The following UBE2F variants were observed in gnomAD, a reference collection of about 807,000 sequenced individuals.
UBE2F encodes NEDD8-conjugating enzyme UBE2F.
In UBE2F, 5 loss-of-function variants were observed where a neutral mutation model predicts 29.6. The observed-to-expected ratio is 0.17, with a 90% CI of 0.09 to 0.36. UBE2F has a LOEUF of 0.36. UBE2F is among the 10% of genes least tolerant of loss of function. The probability of loss-of-function intolerance (pLI) is 1.00; values close to 1 mark genes in which losing one functional copy is unlikely to be tolerated. For synonymous variants in UBE2F, 66 were observed against 81.8 expected, an observed-to-expected ratio of 0.81 and a Z score of 1.04; for missense variants, 141 against 228.5, an observed-to-expected ratio of 0.62 and a Z score of 2.47.
rs1190663415 is a variant in UBE2F at position 237,983,011 on chromosome 2, T to A, written c.119-4952T>A. ...AGTAAATATATGTATATATTTTATGTTTTTGTAGTGACAGAGTCTCACTAT... is the reference window on the plus strand; with the variant it reads ...AGTAAATATATGTATATATTTTATGATTTTGTAGTGACAGAGTCTCACTAT... On this transcript the variant is annotated intron_variant, in intron 2 of 9. Coordinates refer to ENST00000272930, the MANE Select transcript of UBE2F (RefSeq NM_080678.3). 2.6e-5 allele frequency among the ~76,000 whole-genome samples: 4 copies of A among 152,312 alleles called. No homozygotes were observed. In the South Asian group the frequency reaches 8.3e-4, roughly 32 times the overall value.
intron 4 of UBE2F, among the ~76,000 whole-genome samples, chr2:237,998,082 C>T (rs915850001): frequency 6.6e-6 from 1 of 152,012 alleles, no homozygotes; most frequent in Non-Finnish European, 1.5e-5. Context: ...TGGTTTTAGG[C>T]TGAAGGGAAC....
At chr2:237,986,137 CTTTTCT>C (rs1438617331) in intron 2 of UBE2F, 10 of 307,576 alleles carry the variant, frequency 3.3e-5, no homozygotes, top group African/African-American at 9.1e-5. Context: ...ACTACCTTTT[CTTTTCT>C]TTTTTTTTTT....
chr2:237,973,781 G>A, intron 2 of UBE2F: 1 of 1,071,392 alleles, frequency 9.3e-7, no homozygotes, highest in Non-Finnish European at 1.2e-6. Context: ...AGAAGGGTTG[G>A]TAAAATGTAT....
At chr2:238,033,263 A>G (rs987998542) in intron 8 of UBE2F, among the ~76,000 whole-genome samples, 1 of 152,232 alleles carries the variant, frequency 6.6e-6, no homozygotes, top group Non-Finnish European at 1.5e-5. Flanking sequence ...CTAGGGCAGG[A>G]AGAGGCTAAA....
chr2:237,969,886 T>A (rs2063138672), intron 1 of UBE2F, among the ~76,000 whole-genome samples: 1 of 152,232 alleles, frequency 6.6e-6, no homozygotes, highest in Non-Finnish European at 1.5e-5. Context: ...TGGGCGAAGC[T>A]GTGAAGATGT....
chr2:237,985,080 T>G (rs1422383848), intron 2 of UBE2F, among the ~76,000 whole-genome samples: 1 of 151,944 alleles, frequency 6.6e-6, no homozygotes, highest in Admixed American at 6.6e-5. Context: ...GCAATCCTCC[T>G]GCCTCGGCCT....
intron 3 of UBE2F, among the ~76,000 whole-genome samples, chr2:237,990,709 C>T (rs977073241): frequency 1.4e-4 from 21 of 151,054 alleles, no homozygotes; most frequent in African/African-American, 7.3e-5. Flanking sequence ...TGCAGTGAGC[C>T]GAGATAGCAC....
intron 2 of UBE2F, among the ~76,000 whole-genome samples, chr2:237,977,026 C>G (rs1206663806): frequency 6.6e-6 from 1 of 152,116 alleles, no homozygotes; most frequent in Non-Finnish European, 1.5e-5. Context: ...TTCAAGGAGG[C>G]TCTGCGTCTC....
At chr2:237,979,425 G>A (rs374029540) in intron 2 of UBE2F, among the ~76,000 whole-genome samples, 3 of 152,194 alleles carry the variant, frequency 2.0e-5, no homozygotes, top group African/African-American at 7.2e-5. Flanking sequence ...TTCAGTGTTG[G>A]GGGAGAAAGA....
chr2:238,006,759 C>CTTTT (rs60514924), intron 4 of UBE2F, among the ~76,000 whole-genome samples: 6 of 125,590 alleles, frequency 4.8e-5, no homozygotes, highest in African/African-American at 1.8e-4. Flanking sequence ...TTTCTTTTTT[C>CTTTT]TTTTTTTTTT....
intron 2 of UBE2F, among the ~76,000 whole-genome samples, chr2:237,985,923 A>G (rs776832541): frequency 4.7e-4 from 71 of 151,862 alleles, no homozygotes; most frequent in Non-Finnish European, 7.5e-4. Context: ...TTTGATTTGT[A>G]TTTCCCTGAT....
At position 238,040,254 on chromosome 2, in the gene UBE2F, C is replaced by T. The variant is rs1435822313; in HGVS notation, c.508-1034C>T. On this transcript the variant is annotated intron_variant, in intron 9 of 9. Transcript: ENST00000272930. The surrounding 1 kb of genome is among the most constrained non-coding windows in gnomAD (Gnocchi z 4.4). ...CAGCTGGCCAGGACCATGCTCCAGG[C>T]AGGATCTCCCTGCAAGAGGGCATCG... 1.3e-5 allele frequency among the ~76,000 whole-genome samples: 2 copies of T among 152,264 alleles called. No individual in the cohort carries two copies. The highest frequency in any genetic ancestry group is 3.8e-4 in the East Asian group (2 of 5,196).
chr2:237,980,559 C>T (rs1466432319), intron 2 of UBE2F, among the ~76,000 whole-genome samples: 1 of 152,154 alleles, frequency 6.6e-6, no homozygotes, highest in East Asian at 1.9e-4. Flanking sequence ...CAAATACCAT[C>T]ACATTGGGGG....
intron 4 of UBE2F, chr2:238,003,257 G>A (rs934033095): frequency 1.4e-5 from 5 of 361,520 alleles, no homozygotes; most frequent in African/African-American, 4.2e-5. Context: ...ATTTTCTTGC[G>A]ATGTAGAATA....
At chr2:238,003,650 A>G (rs144121355) in intron 4 of UBE2F, 224 of 176,850 alleles carry the variant, frequency 1.3e-3, no homozygotes, top group African/African-American at 4.7e-3. Flanking sequence ...TAGTATTTAA[A>G]TCTTAAGTTT....
rs764060906 is a variant in UBE2F, at chr2:237,973,159, C to T, written c.52C>T (p.Arg18Trp). 5.6e-6 allele frequency: 9 copies of T among 1,613,912 alleles called. 1 individual carries two copies. Among genetic ancestry groups the T allele is most frequent in the South Asian group, 5.5e-5 (5 of 91,082 alleles). ...LKRDDGLKGS[R>W]TAATASDSTR... ...GCGTGACGATGGTCTCAAAGGGTCC[C>T]GGACGGCAGCCACAGCGTCCGACTC... Residue 18 changes from arginine (R) to tryptophan (W), a missense_variant, in exon 2 of 10, where the codon CGG becomes TGG. By Grantham distance (101) the Arg-to-Trp change is moderately radical. Coordinates refer to ENST00000272930, the MANE Select transcript of UBE2F (RefSeq NM_080678.3).
chr2:238,032,334 TAACAC>T, intron 8 of UBE2F, 80 bp downstream of exon 8: 6 of 1,251,144 alleles, frequency 4.8e-6, no homozygotes, highest in South Asian at 1.2e-5. Context: ...GACATGGTTT[TAACAC>T]AAAACCATGT....
chr2:238,022,143 G>A (rs139898225), intron 5 of UBE2F, among the ~76,000 whole-genome samples: 41 of 143,534 alleles, frequency 2.9e-4, no homozygotes, highest in African/African-American at 1.1e-3. Context: ...TTTAATATCC[G>A]ATTGTCATTT....
chr2:238,033,642 C>CT (rs1455512560), intron 8 of UBE2F, among the ~76,000 whole-genome samples: 1 of 152,210 alleles, frequency 6.6e-6, no homozygotes, highest in African/African-American at 2.4e-5. Flanking sequence ...TCAAACTAAA[C>CT]TGAGTCCCTG....
Sources: allele counts gnomAD v4.1 joint callset (sites outside exome capture counted in the v4.1 genomes callset), GRCh38; gene constraint gnomAD v4.1.1; non-coding constraint Gnocchi (gnomAD v3.1); transcripts MANE v1.5; gene names NCBI Gene and HGNC (gene_info 2026-07-23, HGNC 2026-07-21).